Variants in DLGAP1 observed in about 807,000 individuals in gnomAD.
DLGAP1 encodes DLG associated protein 1, also known as disks large-associated protein 1.
In DLGAP1, 11 loss-of-function variants were observed where a neutral mutation model predicts 90.8. That is an observed-to-expected ratio of 0.12 (90% CI 0.08 to 0.20). The LOEUF is 0.20. Ranked by LOEUF, DLGAP1 falls within the 10% of genes least tolerant of loss-of-function variation. The probability of loss-of-function intolerance (pLI) is 1.00; values close to 1 mark genes in which losing one functional copy is unlikely to be tolerated. For synonymous variants in DLGAP1, 558 were observed against 540.7 expected (o/e 1.03, Z -0.44); for missense variants, 1,050 against 1,333.8 (o/e 0.79, Z 3.31).
chr18:4,049,539 C>T (rs993904912), intron 2 of DLGAP1, among the ~76,000 whole-genome samples: 4 of 152,166 alleles, frequency 2.6e-5, no homozygotes, highest in Non-Finnish European at 4.4e-5. Context: ...CCTCTGGGCT[C>T]TAATTTATAA....
chr18:3,534,649 G>T, intron 9 of DLGAP1, 34 bp from the exon 10 acceptor site: 1 of 1,480,286 alleles, frequency 6.8e-7, no homozygotes, highest in Non-Finnish European at 9.0e-7. Flanking sequence ...TTTAGTTAGA[G>T]GATATTTCTT....
At chr18:3,978,185 G>A (rs58507715) in intron 3 of DLGAP1, 21,772 of 423,640 alleles carry the variant, frequency 0.051, 1,384 homozygotes, top group African/African-American at 0.22. Flanking sequence ...GGCACAGGAG[G>A]CGTTGCCGAT....
intron 2 of DLGAP1, among the ~76,000 whole-genome samples, chr18:4,143,690 T>C (rs75889162): frequency 0.021 from 3,260 of 152,064 alleles, 102 homozygotes; most frequent in African/African-American, 0.073. Flanking sequence ...AAATGGTCTC[T>C]ACCCCTAGTC....
chr18:4,099,295 T>TCATC (rs1190348962), intron 2 of DLGAP1, among the ~76,000 whole-genome samples: 8 of 140,554 alleles, frequency 5.7e-5, no homozygotes, highest in Admixed American at 5.2e-4. Context: ...TATCTGTCTA[T>TCATC]CATCTATCTA....
chr18:4,285,898 T>C (rs1407025593), intron 1 of DLGAP1, among the ~76,000 whole-genome samples: 1 of 152,208 alleles, frequency 6.6e-6, no homozygotes, highest in Non-Finnish European at 1.5e-5. Context: ...GACTCAAATA[T>C]AGAAGTACAG....
In DLGAP1 at chr18:3,895,317, AC is replaced by A. The variant is rs1246866959; in HGVS notation, c.-72-15178del. 1.3e-3 allele frequency among the ~76,000 whole-genome samples: 193 copies of A among 147,816 alleles called. 1 individual carries two copies. The highest frequency in any genetic ancestry group is 3.5e-3 in the African/African-American group (137 of 38,696). On this transcript the variant is annotated intron_variant, in intron 3 of 12. Transcript: ENST00000315677. ...CACACACACACACACACACACACAC[AC>A]ACATCATCATCATCATCATCATCAT...
chr18:3,544,458 G>A (rs1290511653), intron 9 of DLGAP1, among the ~76,000 whole-genome samples: 2 of 152,222 alleles, frequency 1.3e-5, no homozygotes, highest in African/African-American at 4.8e-5. Context: ...TATAAGAAAG[G>A]TTTAAAATAC....
intron 7 of DLGAP1, among the ~76,000 whole-genome samples, chr18:3,719,771 G>T (rs2061908089): frequency 6.6e-6 from 1 of 152,026 alleles, no homozygotes; most frequent in Non-Finnish European, 1.5e-5. Flanking sequence ...GAAGTTTCTT[G>T]AAAATGATAA....
At chr18:3,742,814 G>A (rs1002299363) in intron 5 of DLGAP1, among the ~76,000 whole-genome samples, 18 of 152,104 alleles carry the variant, frequency 1.2e-4, no homozygotes, top group Admixed American at 1.1e-3. Flanking sequence ...GTCCTGCCCA[G>A]GAATTCTGAC....
At chr18:3,758,588 T>C (rs2063814946) in intron 5 of DLGAP1, among the ~76,000 whole-genome samples, 1 of 152,240 alleles carries the variant, frequency 6.6e-6, no homozygotes, top group African/African-American at 2.4e-5. Context: ...GTTGCTTGCT[T>C]GCACATCTAT....
intron 7 of DLGAP1, among the ~76,000 whole-genome samples, chr18:3,704,430 T>G (rs1040917405): frequency 2.9e-4 from 44 of 151,632 alleles, no homozygotes; most frequent in African/African-American, 1.1e-3. Context: ...AATTAGCTGG[T>G]GTGGTGGCAG....
At chr18:4,209,664 A>G (rs2077800785) in intron 1 of DLGAP1, among the ~76,000 whole-genome samples, 1 of 152,238 alleles carries the variant, frequency 6.6e-6, no homozygotes, top group African/African-American at 2.4e-5. Flanking sequence ...AATATACTAT[A>G]AAGCAGGATA....
chr18:4,101,107 A>G (rs2075772124), intron 2 of DLGAP1, among the ~76,000 whole-genome samples: 1 of 152,218 alleles, frequency 6.6e-6, no homozygotes, highest in African/African-American at 2.4e-5. Flanking sequence ...TTTTTGGTGC[A>G]AGAGGCCTAG....
At chr18:3,581,621 T>A (rs142458163) in intron 8 of DLGAP1, among the ~76,000 whole-genome samples, 25 of 149,584 alleles carry the variant, frequency 1.7e-4, no homozygotes, top group African/African-American at 5.9e-4. Context: ...GCTACACTCA[T>A]GTTGCTCAGA....
At chr18:3,932,259 A>C (rs2072535154) in intron 3 of DLGAP1, among the ~76,000 whole-genome samples, 1 of 152,196 alleles carries the variant, frequency 6.6e-6, no homozygotes, top group East Asian at 1.9e-4. Flanking sequence ...GAGTACACAC[A>C]TATAGCCCAG....
intron 3 of DLGAP1, among the ~76,000 whole-genome samples, chr18:3,991,687 C>T: frequency 6.6e-6 from 1 of 152,212 alleles, no homozygotes; most frequent in East Asian, 1.9e-4. Flanking sequence ...ATACACAATG[C>T]ATGTTTCAGA....
At chr18:3,689,604 A>G (rs2060823957) in intron 7 of DLGAP1, among the ~76,000 whole-genome samples, 1 of 152,198 alleles carries the variant, frequency 6.6e-6, no homozygotes, top group South Asian at 2.1e-4. Context: ...TACCCACCTC[A>G]GCAAATCAGA....
intron 1 of DLGAP1, among the ~76,000 whole-genome samples, chr18:4,446,220 T>C (rs1265378876): frequency 6.6e-6 from 1 of 152,166 alleles, no homozygotes; most frequent in Non-Finnish European, 1.5e-5. Context: ...AACCACGTTC[T>C]AGGCATACTC....
intron 1 of DLGAP1, among the ~76,000 whole-genome samples, chr18:4,409,689 A>G (rs753542571): frequency 6.6e-6 from 1 of 152,006 alleles, no homozygotes; most frequent in South Asian, 2.1e-4. Flanking sequence ...TAATTTTTTC[A>G]TGTTTGTTGG....
Sources: allele counts gnomAD v4.1 joint callset (sites outside exome capture counted in the v4.1 genomes callset), GRCh38; gene constraint gnomAD v4.1.1; transcripts MANE v1.5; gene names NCBI Gene and HGNC (gene_info 2026-07-23, HGNC 2026-07-21).